The following MXRA5 variants were observed in gnomAD, a reference collection of about 807,000 sequenced individuals.
The protein encoded by MXRA5 is matrix remodeling associated 5.
MXRA5 carries 41 observed loss-of-function variants against 112.5 expected under a neutral mutation model. The ratio of observed to expected loss-of-function variants is 0.36; its 90% CI spans 0.28 to 0.47. The LOEUF (loss-of-function observed/expected upper bound fraction) is 0.47, where lower values mean the gene tolerates loss of function less well. Ranked by LOEUF, MXRA5 falls within the 20% of genes least tolerant of loss-of-function variation. The pLI, the probability that MXRA5 is intolerant of heterozygous loss-of-function variation, is 0.99. For missense variants in MXRA5, 2,150 were observed against 2,251.0 expected (o/e 0.96, Z 0.91); for synonymous variants, 862 against 900.8 (o/e 0.96, Z 0.77).
intron 6 of MXRA5, among the ~76,000 whole-genome samples, chrX:3,316,068 A>C (rs1921111669): frequency 5.0e-5 from 1 of 20,029 alleles, no homozygotes; most frequent in East Asian, 1.9e-3. Context: ...CAGAAAAAGC[A>C]CACACTGGGG....
In MXRA5 at chrX:3,317,291, G is replaced by A. The variant is rs761305099; in HGVS notation, c.6390C>T (p.Ser2130=). The stretch of plus-strand genomic sequence containing the variant: ...CGTTCAGCTGCACCGTCCTGCGCGC[G>A]GAGCCTACCAGGTTGGCGGCCACGC... ...YECVAANLVG[S]ARRTVQLNVQ... Residue 2130 remains serine, a synonymous_variant, in exon 6 of 7, where the codon TCC becomes TCT. Transcript: ENST00000217939. 11 of 1,206,052 alleles carry A rather than the reference G, an allele frequency of 9.1e-6. No individual in the cohort carries two copies. The Admixed American group carries it at 1.1e-4, about 12-fold the overall frequency.
chrX:3,344,477 G>C (rs781195587), intron 1 of MXRA5, among the ~76,000 whole-genome samples: 33 of 111,551 alleles, frequency 3.0e-4, no homozygotes, highest in African/African-American at 1.0e-3. Context: ...TGATGATATA[G>C]AGTTGCTGTT....
chrX:3,311,659 T>C, intron 6 of MXRA5, 35 bp from the exon 7 acceptor site: 1 of 1,126,485 alleles, frequency 8.9e-7, no homozygotes, highest in South Asian at 1.9e-5. Context: ...AAGATGTCAG[T>C]TTCCCAAATG....
rs1262983758 is a variant in MXRA5, at chrX:3,323,059, C to T, written c.2626G>A (p.Glu876Lys). The T allele has an allele frequency of 8.3e-7, 1 of 1,209,843 alleles. No homozygotes were observed. The highest frequency in any genetic ancestry group is 2.2e-5 in the Admixed American group (1 of 45,688). The change falls in exon 5 of 7, where the codon GAA becomes AAA. Residue 876 changes from glutamate (E) to lysine (K), a missense_variant. Physicochemically the swap from Glu to Lys is moderately conservative, Grantham distance 56. Coordinates refer to ENST00000217939, the MANE Select transcript of MXRA5 (RefSeq NM_015419.4). Reference sequence around the variant, plus strand: ...AGAGGTGTGCTTGTTACTTCAGGTTCAACAAGAATAACTCCATTGTGGTTG... The same window carrying T: ...AGAGGTGTGCTTGTTACTTCAGGTTTAACAAGAATAACTCCATTGTGGTTG... ...EHNHNGVILV[E>K]PEVTSTPLEE...
intron 2 of MXRA5, among the ~76,000 whole-genome samples, chrX:3,340,898 C>A (rs1285521630): frequency 1.0e-5 from 1 of 96,007 alleles, no homozygotes; most frequent in African/African-American, 3.8e-5. Context: ...AGCCTGATAT[C>A]CCCCTTCCCA....
chrX:3,319,949 CT>C, intron 5 of MXRA5, 58 bp downstream of exon 5: 1 of 891,250 alleles, frequency 1.1e-6, no homozygotes, highest in South Asian at 2.6e-5. Flanking sequence ...TATTATATTG[CT>C]AGCCAATAAA....
Position 3,329,332 on chromosome X carries a change from G to GAAAAA in MXRA5, c.709+685_709+686insTTTTT, listed in dbSNP as rs1297840173. Among the ~76,000 whole-genome samples, 23 of 87,697 alleles carry GAAAAA rather than the reference G, an allele frequency of 2.6e-4. 1 individual carries two copies. The highest frequency in any genetic ancestry group is 1.1e-3 in the Admixed American group (9 of 8,076). The allele number at this position is 87,697 out of a possible 115,157, so 76.2% of individuals were successfully genotyped here. On this transcript the variant is annotated intron_variant, in intron 4 of 6. Coordinates refer to ENST00000217939, the MANE Select transcript of MXRA5 (RefSeq NM_015419.4). ...AGGAAGGAAAAAAGAAGGAAGGAAG[G>GAAAAA]AGAGAAGGAAGAAAGGAAAGAAGGA...
At chrX:3,313,612 A>C (rs1362519551) in intron 6 of MXRA5, among the ~76,000 whole-genome samples, 4 of 112,690 alleles carry the variant, frequency 3.5e-5, no homozygotes, top group Non-Finnish European at 7.5e-5. Flanking sequence ...GACAAAATGC[A>C]CATGGTTTGT....
rs757002267 is a variant in MXRA5, at chrX:3,317,222, C to A, written c.6459G>T (p.Pro2153=). 1 of 1,211,190 alleles carries A rather than the reference C, an allele frequency of 8.3e-7. No individual in the cohort carries two copies. The highest frequency in any genetic ancestry group is 2.2e-5 in the Admixed American group (1 of 46,122). ...CTCCGTACCTGACGTCCGTCCTCCG[C>A]GGGGAGGTGCCCGTGATGCGCGCGT... ...AANARITGTS[P]RRTDVRYGGT... The change falls in exon 6 of 7, where the codon CCG becomes CCT. Residue 2153 remains proline, a synonymous_variant. Transcript: ENST00000217939.
chrX:3,316,239 G>A (rs370446620), intron 6 of MXRA5, among the ~76,000 whole-genome samples: 1 of 87,524 alleles, frequency 1.1e-5, no homozygotes, highest in African/African-American at 4.6e-5. Context: ...GCGTGAACCC[G>A]GGAGGCGGAG....
chrX:3,310,205 C>T lies in MXRA5; in HGVS notation c.7998G>A (p.Gln2666=), dbSNP rs763869339. 5.8e-6 allele frequency: 7 copies of T among 1,210,126 alleles called. No homozygotes were observed. The highest frequency in any genetic ancestry group is 2.2e-5 in the Admixed American group (1 of 45,889). ...TGGGGAGCGTCCAGGAGAAACGTCCCTGCCCAGCCCCGGGAGGGGTGCAGG... is the reference window on the plus strand; with the variant it reads ...TGGGGAGCGTCCAGGAGAAACGTCCTTGCCCAGCCCCGGGAGGGGTGCAGG... ...KLPCTPPGAG[Q]GRFSWTLPNG... The change falls in exon 7 of 7, where the codon CAG becomes CAA. Residue 2666 remains glutamine (Q), a synonymous_variant. Transcript: ENST00000217939.
chrX:3,311,773 C>A (rs1288937740), intron 6 of MXRA5, 149 bp from the exon 7 acceptor site: 1 of 483,879 alleles, frequency 2.1e-6, no homozygotes, highest in Non-Finnish European at 3.4e-6. Context: ...GTTTTTACAG[C>A]CTGGAGAAGG....
chrX:3,346,293 CA>C (rs1268595353), intron 1 of MXRA5, among the ~76,000 whole-genome samples: 4 of 112,237 alleles, frequency 3.6e-5, no homozygotes, highest in African/African-American at 1.3e-4. Flanking sequence ...CATCCTCCTT[CA>C]AGATCCGGCT....
At chrX:3,325,091 A>G in intron 4 of MXRA5, 116 bp from the exon 5 acceptor site, 1 of 896,434 alleles carries the variant, frequency 1.1e-6, no homozygotes, top group Non-Finnish European at 1.5e-6. Flanking sequence ...GTAATCCCAT[A>G]AACAAGGAAT....
In MXRA5 at chrX:3,322,374, C is replaced by T. The variant is rs765394428; in HGVS notation, c.3311G>A (p.Ser1104Asn). The T allele has an allele frequency of 7.4e-6, 9 of 1,211,471 alleles. No homozygotes were observed. Among genetic ancestry groups the T allele is most frequent in the East Asian group, 3.0e-5 (1 of 33,834 alleles). Residue 1104 changes from serine (S) to asparagine (N), a missense_variant, in exon 5 of 7, where the codon AGC (serine) becomes AAC (asparagine). Ser to Asn is a conservative substitution (Grantham distance 46, BLOSUM62 1). Around this residue, in one of 6 missense-constraint regions of MXRA5, gnomAD observed 1,485 missense variants for 1,471.6 expected, o/e 1.01. Coordinates refer to ENST00000217939, the MANE Select transcript of MXRA5 (RefSeq NM_015419.4). ...TLPDSTLGIMSSMSPVKKPAE... is the reference protein window; with the variant it reads ...TLPDSTLGIMNSMSPVKKPAE... ...AGGCTTCTTAACTGGAGACATACTG[C>T]TCATTATACCCAGTGTGGAGTCAGG...
At position 3,323,466 on chromosome X, in the gene MXRA5, C is replaced by G. The variant is rs757533933; in HGVS notation, c.2219G>C (p.Gly740Ala). ...CTTCCAGAGTTTCAGCTTTCTTCTC[C>G]CTTTCTTGGCTTTCTTGTCTCCATT... ...AINGDKKAKK[G>A]RRKLKLWKHS... Residue 740 changes from glycine (G) to alanine (A), a missense_variant, in exon 5 of 7, where the codon GGG becomes GCG. By Grantham distance (60) the Gly-to-Ala change is moderately conservative (BLOSUM62 0). This residue lies in a region of MXRA5 where 1,485 missense variants were observed against 1,471.6 expected (regional missense o/e 1.01). Transcript: ENST00000217939. 2.6e-5 allele frequency: 32 copies of G among 1,210,143 alleles called. No homozygotes were observed. Among genetic ancestry groups the G allele is most frequent in the Non-Finnish European group, 3.4e-5 (30 of 895,291 alleles).
intron 5 of MXRA5, among the ~76,000 whole-genome samples, chrX:3,319,527 G>A (rs146070086): frequency 2.3e-3 from 256 of 112,983 alleles, no homozygotes; most frequent in Non-Finnish European, 3.7e-3. Context: ...CCCCTGCCCA[G>A]AGAGGCCCTT....
chrX:3,323,696 C>A lies in MXRA5; in HGVS notation c.1989G>T (p.Thr663=). 1 of 1,209,728 alleles carries A rather than the reference C, an allele frequency of 8.3e-7. No individual in the cohort carries two copies. Among genetic ancestry groups the A allele is most frequent in the Non-Finnish European group, 1.1e-6 (1 of 894,008 alleles). The change falls in exon 5 of 7, where the codon ACG becomes ACT. Residue 663 remains threonine (T), a synonymous_variant. Coordinates refer to ENST00000217939, the MANE Select transcript of MXRA5 (RefSeq NM_015419.4). Reference sequence around the variant, plus strand: ...CTTTCTTGGTCACTGTGATTCCCACCGTAAAATGGTCTGCCCCTTGCTGGT... The same window carrying A: ...CTTTCTTGGTCACTGTGATTCCCACAGTAAAATGGTCTGCCCCTTGCTGGT... ...AVNQQGADHF[T]VGITVTKKGS... is the part of the protein sequence containing the mutation.
intron 4 of MXRA5, among the ~76,000 whole-genome samples, chrX:3,325,809 T>C (rs1372734100): frequency 9.8e-6 from 1 of 102,341 alleles, no homozygotes; most frequent in Non-Finnish European, 2.0e-5. Context: ...GATGTACATA[T>C]ATTTATAAAT....
Sources: allele counts gnomAD v4.1 joint callset (sites outside exome capture counted in the v4.1 genomes callset), GRCh38; gene constraint gnomAD v4.1.1; regional missense constraint gnomAD v4.1.1; transcripts MANE v1.5; gene names NCBI Gene and HGNC (gene_info 2026-07-23, HGNC 2026-07-21).